The following NXPE3 variants were observed in gnomAD, a reference collection of about 807,000 sequenced individuals.
NXPE3 encodes the protein neurexophilin and PC-esterase domain family member 3.
In NXPE3, 26 loss-of-function variants were observed where a neutral mutation model predicts 46.1. The observed-to-expected ratio is 0.56, with a 90% CI of 0.41 to 0.78. NXPE3 has a LOEUF of 0.78. NXPE3 is among the 30% of genes least tolerant of loss of function. NXPE3 has a pLI of 0.00. For synonymous variants in NXPE3, 272 were observed against 257.9 expected, an observed-to-expected ratio of 1.05 and a Z score of -0.52; for missense variants, 620 against 686.0, an observed-to-expected ratio of 0.90 and a Z score of 1.07.
At chr3:101,807,166 T>G (rs1413223502) in intron 6 of NXPE3, 40 bp downstream of exon 6, 1 of 1,489,344 alleles carries the variant, frequency 6.7e-7, no homozygotes, top group Non-Finnish European at 9.4e-7. Context: ...TTGTTTTTCT[T>G]ACTAACTGGG....
chr3:101,820,561 A>T (rs1942200369), intron 7 of NXPE3, among the ~76,000 whole-genome samples: 1 of 152,196 alleles, frequency 6.6e-6, no homozygotes, highest in Middle Eastern at 3.2e-3. Flanking sequence ...ATTCTGCCAT[A>T]AAGACACATG....
At chr3:101,818,916 A>T (rs1675142) in intron 7 of NXPE3, among the ~76,000 whole-genome samples, 1 of 150,702 alleles carries the variant, frequency 6.6e-6, no homozygotes, top group Admixed American at 6.6e-5. Context: ...CAGGCACCTG[A>T]CACCATGCCT....
Position 101,801,665 on chromosome 3 carries a change from T to C in NXPE3, c.524T>C (p.Leu175Ser), listed in dbSNP as rs751485137. Residue 175 changes from leucine (L) to serine (S), a missense_variant, in exon 5 of 8, where the codon TTG becomes TCG. Leu to Ser is a moderately radical substitution (Grantham distance 145). Transcript: ENST00000273347. Reference sequence around the variant, plus strand: ...GGGTTTTACAAGGTTTTCTTTACTTTGCTATGGCCAGGCAAAGTTAAAGTA... The same window carrying C: ...GGGTTTTACAAGGTTTTCTTTACTTCGCTATGGCCAGGCAAAGTTAAAGTA... ...QNGFYKVFFT[L>S]LWPGKVKVSV... 2 of 1,614,238 alleles carry C rather than the reference T, an allele frequency of 1.2e-6. No individual in the cohort carries two copies. The highest frequency in any genetic ancestry group is 1.1e-5 in the South Asian group (1 of 91,090).
chr3:101,809,418 A>T (rs902345753), intron 6 of NXPE3, among the ~76,000 whole-genome samples: 2 of 152,012 alleles, frequency 1.3e-5, no homozygotes, highest in African/African-American at 4.8e-5. Context: ...AGGGCTCATA[A>T]TTTTTTTTCC....
intron 6 of NXPE3, among the ~76,000 whole-genome samples, chr3:101,812,382 T>C (rs745797950): frequency 1.8e-4 from 27 of 152,138 alleles, no homozygotes; most frequent in Non-Finnish European, 3.4e-4. Flanking sequence ...CTGATAGCAT[T>C]TGAGGGAAGG....
intron 4 of NXPE3, among the ~76,000 whole-genome samples, chr3:101,791,230 A>G (rs1940501297): frequency 6.6e-6 from 1 of 152,152 alleles, no homozygotes; most frequent in Non-Finnish European, 1.5e-5. Context: ...TTTGCTAAGG[A>G]TAACAGCCTA....
intron 1 of NXPE3, among the ~76,000 whole-genome samples, chr3:101,780,964 A>G (rs1375951643): frequency 6.6e-6 from 1 of 152,158 alleles, no homozygotes; most frequent in Non-Finnish European, 1.5e-5. Context: ...TATTTGGTTA[A>G]CCCATCATTG....
chr3:101,800,354 A>G lies in NXPE3; in HGVS notation c.94-881A>G, dbSNP rs1428872191. On this transcript the variant is annotated intron_variant, in intron 4 of 7. Transcript: ENST00000273347. ...TTGGGATTTTTCCAGCTCTCTTTCT[A>G]TTATTGATTTCTAGTTTAATTTCAT... is the stretch of plus-strand genomic sequence containing the variant. Among the ~76,000 whole-genome samples, 3 of 151,948 alleles carry G rather than the reference A, an allele frequency of 2.0e-5. No individual in the cohort carries two copies. The South Asian group carries it at 6.2e-4, about 31-fold the overall frequency.
intron 6 of NXPE3, among the ~76,000 whole-genome samples, chr3:101,815,924 AG>A (rs1392024576): frequency 6.6e-6 from 1 of 152,110 alleles, no homozygotes; most frequent in Non-Finnish European, 1.5e-5. Context: ...TGAACCCAGG[AG>A]GCAGAGGTTG....
At chr3:101,791,430 G>C (rs1179260946) in intron 4 of NXPE3, among the ~76,000 whole-genome samples, 2 of 151,994 alleles carry the variant, frequency 1.3e-5, no homozygotes, top group East Asian at 3.8e-4. Flanking sequence ...CTGTCACCTG[G>C]GCTGGAGTGC....
intron 4 of NXPE3, among the ~76,000 whole-genome samples, chr3:101,796,969 T>C (rs1433420828): frequency 6.6e-6 from 1 of 152,202 alleles, no homozygotes; most frequent in Non-Finnish European, 1.5e-5. Flanking sequence ...TGTTGTTTAT[T>C]CCCCTGCAGT....
chr3:101,819,220 G>T (rs1942136521), intron 7 of NXPE3, among the ~76,000 whole-genome samples: 1 of 152,172 alleles, frequency 6.6e-6, no homozygotes, highest in Admixed American at 6.6e-5. Flanking sequence ...AGTTAAATTG[G>T]ATTGTCAACA....
At chr3:101,803,280 C>T (rs1327844050) in intron 5 of NXPE3, among the ~76,000 whole-genome samples, 2 of 152,064 alleles carry the variant, frequency 1.3e-5, no homozygotes, top group African/African-American at 4.8e-5. Context: ...TAAAACTCTT[C>T]AGTTTTCCAC....
intron 4 of NXPE3, among the ~76,000 whole-genome samples, chr3:101,787,402 G>A (rs1290180202): frequency 6.6e-6 from 1 of 152,168 alleles, no homozygotes; most frequent in Non-Finnish European, 1.5e-5. Flanking sequence ...TGCCTCCTGG[G>A]TTCAAGCGAT....
At chr3:101,814,808 G>A (rs936692968) in intron 6 of NXPE3, among the ~76,000 whole-genome samples, 3 of 152,098 alleles carry the variant, frequency 2.0e-5, no homozygotes, top group African/African-American at 7.2e-5. Context: ...AAAAAGAAAT[G>A]GTTAACATCT....
Position 101,822,520 on chromosome 3 carries a change from G to C in NXPE3, c.*566G>C, listed in dbSNP as rs996228802. ...TTGAAAAGGCCAATGTGCTTGGTTC[G>C]AGTTTTTTAGTGAATATTTACAATT... is the stretch of plus-strand genomic sequence containing the variant. On this transcript the variant is annotated 3_prime_UTR_variant, in exon 8 of 8. Transcript: ENST00000273347. 2.0e-5 allele frequency: 3 copies of C among 152,232 alleles called. No homozygotes were observed. The highest frequency in any genetic ancestry group is 4.8e-5 in the African/African-American group (2 of 41,416). 9.4% of individuals were successfully genotyped at this position (152,232 alleles called of 1,614,324 possible).
rs772369026 is a variant in NXPE3, at chr3:101,801,570, C to T, written c.429C>T (p.Tyr143=). The T allele has an allele frequency of 1.2e-6, 2 of 1,614,230 alleles. No homozygotes were observed. The highest frequency in any genetic ancestry group is 3.3e-5 in the Admixed American group (2 of 60,028). The change falls in exon 5 of 8, where the codon TAC becomes TAT. Residue 143 remains tyrosine, a synonymous_variant. Coordinates refer to ENST00000273347, the MANE Select transcript of NXPE3 (RefSeq NM_145037.4). ...QRKPKKYGGD[Y]LQARIHSLKL... ...AGCCCAAGAAGTATGGTGGAGACTA[C>T]CTGCAGGCCAGAATTCACTCCCTCA...
In NXPE3 at chr3:101,822,060, AAT is replaced by A; in HGVS notation, c.*107_*108del. 1.0e-6 allele frequency: 1 copy of A among 997,924 alleles called. No individual in the cohort carries two copies. The highest frequency in any genetic ancestry group is 1.5e-6 in the Non-Finnish European group (1 of 677,310). The allele number at this position is 997,924 out of a possible 1,614,324, so 61.8% of individuals were successfully genotyped here. On this transcript the variant is annotated 3_prime_UTR_variant, in exon 8 of 8. Coordinates refer to ENST00000273347, the MANE Select transcript of NXPE3 (RefSeq NM_145037.4). ...AGATGACTGCCCTTAATAAGTATAA[AAT>A]TTCAAAAAGATCTGGACTTAATATG...
In NXPE3 at chr3:101,822,317, A is replaced by G. The variant is rs1942294280; in HGVS notation, c.*363A>G. The stretch of plus-strand genomic sequence containing the variant: ...GATGGAAGGGACAAGTTTGGTTGGT[A>G]GTAGAGTGTTTGTAGCTTATCTGGT... On this transcript the variant is annotated 3_prime_UTR_variant, in exon 8 of 8. Coordinates refer to ENST00000273347, the MANE Select transcript of NXPE3 (RefSeq NM_145037.4). 1 of 203,350 alleles carries G rather than the reference A, an allele frequency of 4.9e-6. No individual in the cohort carries two copies. The highest frequency in any genetic ancestry group is 1.0e-5 in the Non-Finnish European group (1 of 97,996). 12.6% of individuals were successfully genotyped at this position (203,350 alleles called of 1,614,324 possible). A position where few individuals can be genotyped will look rare whatever the true frequency, so the allele number is the denominator to read the frequency against.
Sources: allele counts gnomAD v4.1 joint callset (sites outside exome capture counted in the v4.1 genomes callset), GRCh38; gene constraint gnomAD v4.1.1; transcripts MANE v1.5; gene names NCBI Gene and HGNC (gene_info 2026-07-23, HGNC 2026-07-21).